REV3L: variants seen among roughly 807,000 people sequenced by gnomAD.
REV3L encodes the protein DNA polymerase zeta catalytic subunit.
REV3L carries 69 observed loss-of-function variants against 299.4 expected under a neutral mutation model. That is an observed-to-expected ratio of 0.23 (90% CI 0.19 to 0.28). The LOEUF (loss-of-function observed/expected upper bound fraction) is 0.28. REV3L is among the 10% of genes least tolerant of loss of function. The pLI, the probability that REV3L is intolerant of heterozygous loss-of-function variation, is 1.00. For synonymous variants in REV3L, 1,238 were observed against 1,271.4 expected, an observed-to-expected ratio of 0.97 and a Z score of 0.56; for missense variants, 3,128 against 3,693.8, an observed-to-expected ratio of 0.85 and a Z score of 3.97.
At chr6:111,386,699 A>G (rs1582796061) in intron 9 of REV3L, among the ~76,000 whole-genome samples, 1 of 146,634 alleles carries the variant, frequency 6.8e-6, no homozygotes, top group Non-Finnish European at 1.5e-5. Flanking sequence ...TTTATGCTTT[A>G]CTGCTTATAA....
intron 1 of REV3L, among the ~76,000 whole-genome samples, chr6:111,468,900 C>T (rs1449789170): frequency 6.6e-6 from 1 of 152,144 alleles, no homozygotes; most frequent in Non-Finnish European, 1.5e-5. Context: ...TGGCTCATGC[C>T]TGTAATCTCA....
rs1182026565 is a variant in REV3L, at chr6:111,375,066, C to T, written c.3289G>A (p.Glu1097Lys). 7 of 1,613,942 alleles carry T rather than the reference C, an allele frequency of 4.3e-6. No individual in the cohort carries two copies. The highest frequency in any genetic ancestry group is 3.4e-6 in the Non-Finnish European group (4 of 1,179,918). Residue 1097 changes from glutamate to lysine, a missense_variant, in exon 13 of 32, where the codon GAA becomes AAA. By Grantham distance (56) the Glu-to-Lys change is moderately conservative. This residue lies in a region of REV3L where 2,409 missense variants were observed against 2,611.8 expected (regional missense o/e 0.92). Transcript: ENST00000368802. Reference protein sequence around the residue: ...PPSPSYNAETEDCDLNYSDVM... With the variant: ...PPSPSYNAETKDCDLNYSDVM... ...TCACTATAATTCAGGTCACAATCTT[C>T]GGTTTCAGCATTGTAAGATGGTGAG...
At chr6:111,480,548 T>C (rs1016692666) in intron 1 of REV3L, among the ~76,000 whole-genome samples, 2 of 152,180 alleles carry the variant, frequency 1.3e-5, no homozygotes, top group Non-Finnish European at 2.9e-5. Flanking sequence ...GACGTGCTAA[T>C]AAAAATGCTG....
intron 4 of REV3L, among the ~76,000 whole-genome samples, chr6:111,402,475 T>C (rs1019123934): frequency 6.6e-6 from 1 of 152,240 alleles, no homozygotes; most frequent in African/African-American, 2.4e-5. Flanking sequence ...AGGTCAAAAG[T>C]TGCTTTAAGC....
intron 1 of REV3L, among the ~76,000 whole-genome samples, chr6:111,460,875 C>T (rs1328846680): frequency 6.6e-6 from 1 of 152,050 alleles, no homozygotes; most frequent in Non-Finnish European, 1.5e-5. Flanking sequence ...TGAAAAATTC[C>T]TATCGCCTAG....
At chr6:111,440,787 C>T in intron 1 of REV3L, among the ~76,000 whole-genome samples, 1 of 152,190 alleles carries the variant, frequency 6.6e-6, no homozygotes, top group Non-Finnish European at 1.5e-5. Context: ...TTCTTACTGG[C>T]AACAGATTCC....
intron 9 of REV3L, among the ~76,000 whole-genome samples, chr6:111,387,283 C>T (rs1181062479): frequency 1.3e-5 from 2 of 152,112 alleles, no homozygotes; most frequent in Non-Finnish European, 2.9e-5. Context: ...ATAGGCATAA[C>T]TGTAAATGGA....
In REV3L at chr6:111,443,393, C is replaced by T. The variant is rs534822733; in HGVS notation, c.140-26921G>A. 1.4e-4 allele frequency among the ~76,000 whole-genome samples: 21 copies of T among 152,156 alleles called. 1 individual carries two copies. Among genetic ancestry groups the T allele is most frequent in the African/African-American group, 4.6e-4 (19 of 41,520 alleles). On this transcript the variant is annotated intron_variant, in intron 1 of 31. Transcript: ENST00000368802. ...AAACTCCTGACATTGTGATCCACCG[C>T]GCCCGGCCATATCTAGTAATTTTTA...
intron 18 of REV3L, chr6:111,356,570 T>C (rs753341881): frequency 6.6e-6 from 1 of 152,194 alleles, no homozygotes; most frequent in African/African-American, 2.4e-5. Flanking sequence ...TTTGAAAATA[T>C]TGGCTTGTTT....
chr6:111,477,425 C>A (rs931595833), intron 1 of REV3L, among the ~76,000 whole-genome samples: 3 of 152,196 alleles, frequency 2.0e-5, no homozygotes, highest in Non-Finnish European at 4.4e-5. Flanking sequence ...GAGGAGAGTT[C>A]ATGGTGCTCT....
At chr6:111,411,436 T>G in intron 3 of REV3L, 44 bp downstream of exon 3, 1 of 1,220,566 alleles carries the variant, frequency 8.2e-7, no homozygotes, top group South Asian at 1.4e-5. Context: ...ATTAAAATAC[T>G]TCAATGATAG....
At chr6:111,302,411 T>C (rs572842861) in intron 31 of REV3L, among the ~76,000 whole-genome samples, 2 of 152,358 alleles carry the variant, frequency 1.3e-5, no homozygotes, top group South Asian at 4.1e-4. Flanking sequence ...CTTGACTCAC[T>C]AAATTTAACT....
chr6:111,388,215 C>T (rs140051761), intron 7 of REV3L, 130 bp from the exon 8 acceptor site: 1 of 625,516 alleles, frequency 1.6e-6, no homozygotes, highest in East Asian at 2.7e-5. Flanking sequence ...TACAACCTAA[C>T]TGTAGTTTTA....
At chr6:111,361,405 A>AC (rs1432263199) in intron 16 of REV3L, 50,133 of 138,054 alleles carry the variant, frequency 0.36, 11,498 homozygotes, top group Non-Finnish European at 0.51. Flanking sequence ...AAAAAAACAA[A>AC]AAACACACAC....
chr6:111,421,084 C>T (rs552611581), intron 1 of REV3L, among the ~76,000 whole-genome samples: 89 of 152,166 alleles, frequency 5.8e-4, no homozygotes, highest in Middle Eastern at 3.4e-3. Flanking sequence ...GCCAAGATCG[C>T]GCCAATGCAC....
intron 16 of REV3L, among the ~76,000 whole-genome samples, chr6:111,361,833 T>G (rs1778717170): frequency 6.6e-6 from 1 of 152,090 alleles, no homozygotes; most frequent in Non-Finnish European, 1.5e-5. Flanking sequence ...TTTGGTTTAT[T>G]CCCTGTTTCA....
intron 1 of REV3L, among the ~76,000 whole-genome samples, chr6:111,441,377 CA>C (rs1788249496): frequency 6.6e-6 from 1 of 152,058 alleles, no homozygotes; most frequent in African/African-American, 2.4e-5. Context: ...CTCAGCCTCC[CA>C]AATGGCTGGG....
At position 111,403,472 on chromosome 6, in the gene REV3L, T is replaced by C. The variant is rs548876715; in HGVS notation, c.565+1998A>G. 2.1e-4 allele frequency among the ~76,000 whole-genome samples: 32 copies of C among 152,330 alleles called. No homozygotes were observed. In the South Asian group the frequency reaches 6.4e-3, roughly 31 times the overall value. ...TTTACAAGAGCATGTGTTCATTTTG[T>C]GTCTCTCTGTCACATTTTGGTTCCT... On this transcript the variant is annotated intron_variant, in intron 4 of 31. Transcript: ENST00000368802.
intron 24 of REV3L, 90 bp from the exon 25 acceptor site, chr6:111,329,828 C>A (rs1775208290): frequency 2.1e-6 from 2 of 959,226 alleles, no homozygotes; most frequent in Non-Finnish European, 3.2e-6. Context: ...TAATGGCCAA[C>A]TGTCAGGAAT....
Sources: gnomAD v4.1 joint callset for allele counts (sites outside exome capture counted in the v4.1 genomes callset) on GRCh38, gnomAD v4.1.1 for gene constraint, gnomAD v4.1.1 regional missense constraint, MANE v1.5 for transcripts, NCBI Gene and HGNC (gene_info 2026-07-23, HGNC 2026-07-21) for gene names.